The following PITPNC1 variants were observed in gnomAD, a reference collection of about 807,000 sequenced individuals.
The protein encoded by PITPNC1 is cytoplasmic phosphatidylinositol transfer protein 1.
Under a neutral mutation model 44.7 loss-of-function variants are expected in PITPNC1, and 18 were observed. The ratio of observed to expected loss-of-function variants is 0.40; its 90% CI spans 0.28 to 0.60. PITPNC1 has a LOEUF of 0.60. PITPNC1 is among the 20% of genes least tolerant of loss of function. The pLI is 0.39. For synonymous variants in PITPNC1, 141 were observed against 149.6 expected, an observed-to-expected ratio of 0.94 and a Z score of 0.42; for missense variants, 290 against 418.4, an observed-to-expected ratio of 0.69 and a Z score of 2.68.
At chr17:67,668,195 G>C (rs1159952242) in intron 6 of PITPNC1, among the ~76,000 whole-genome samples, 1 of 151,962 alleles carries the variant, frequency 6.6e-6, no homozygotes, top group East Asian at 1.9e-4. Context: ...CATACATAAA[G>C]TTTTGCTTGT....
At position 67,471,938 on chromosome 17, in the gene PITPNC1, GTC is replaced by G. The variant is rs552169800; in HGVS notation, c.49-60859_49-60858del. Among the ~76,000 whole-genome samples, 202 of 151,956 alleles carry G rather than the reference GTC, an allele frequency of 1.3e-3. 1 individual carries two copies. Among genetic ancestry groups the G allele is most frequent in the African/African-American group, 4.7e-3 (196 of 41,452 alleles). ...ACTTTCAATCTATGTCAATTTCTCT[GTC>G]TCTCCTTGTTTTTTTATGACTTTGA... On this transcript the variant is annotated intron_variant, in intron 1 of 8. Coordinates refer to ENST00000581322, the MANE Select transcript of PITPNC1 (RefSeq NM_012417.4).
intron 6 of PITPNC1, among the ~76,000 whole-genome samples, chr17:67,662,506 A>T (rs912756928): frequency 6.6e-6 from 1 of 152,154 alleles, no homozygotes; most frequent in Admixed American, 6.6e-5. Context: ...TCTAGTTGTG[A>T]GCCATCATTT....
rs1406427215 is a variant in PITPNC1 at position 67,631,628 on chromosome 17, CAAAAACCAAAAAAA to C, written c.367-509_367-496del. On this transcript the variant is annotated intron_variant, in intron 5 of 8. Coordinates refer to ENST00000581322, the MANE Select transcript of PITPNC1 (RefSeq NM_012417.4). The stretch of plus-strand genomic sequence containing the variant: ...TGGGCGAAAGAGTGAGACTCCGTCT[CAAAAACCAAAAAAA>C]AAAAAAAAAAAAAAAATATATATAT... 6.0e-4 allele frequency among the ~76,000 whole-genome samples: 8 copies of C among 13,344 alleles called. 1 individual carries two copies. The highest frequency in any genetic ancestry group is 8.7e-4 in the Non-Finnish European group (6 of 6,884). The allele number at this position is 13,344 out of a possible 152,430, so 8.8% of individuals were successfully genotyped here.
At chr17:67,686,356 A>T (rs2042815710) in intron 8 of PITPNC1, among the ~76,000 whole-genome samples, 1 of 151,272 alleles carries the variant, frequency 6.6e-6, no homozygotes, top group Non-Finnish European at 1.5e-5. Flanking sequence ...AGATTAAGAG[A>T]TCATTATCCT....
intron 6 of PITPNC1, among the ~76,000 whole-genome samples, chr17:67,633,711 A>G (rs1385208389): frequency 2.0e-5 from 3 of 152,378 alleles, no homozygotes; most frequent in South Asian, 2.1e-4. Flanking sequence ...CAGAAATCCT[A>G]TAGTTTCATG....
At chr17:67,689,623 A>G (rs756829026) in intron 8 of PITPNC1, among the ~76,000 whole-genome samples, 7 of 152,250 alleles carry the variant, frequency 4.6e-5, no homozygotes, top group Admixed American at 6.5e-5. Flanking sequence ...ATTAACATCC[A>G]TGAACACAGC....
chr17:67,450,145 T>G (rs557953842), intron 1 of PITPNC1, among the ~76,000 whole-genome samples: 1 of 152,246 alleles, frequency 6.6e-6, no homozygotes, highest in African/African-American at 2.4e-5. Context: ...TTTGCTCTTA[T>G]GATTTAGAAG....
chr17:67,415,994 AGGTTG>A (rs2038581453), intron 1 of PITPNC1, among the ~76,000 whole-genome samples: 1 of 151,954 alleles, frequency 6.6e-6, no homozygotes, highest in Non-Finnish European at 1.5e-5. Flanking sequence ...TTTGTTCGTT[AGGTTG>A]AAGAACAATT....
chr17:67,378,737 T>G (rs1031775649), intron 1 of PITPNC1, among the ~76,000 whole-genome samples: 4 of 152,128 alleles, frequency 2.6e-5, no homozygotes, highest in Non-Finnish European at 5.9e-5. Context: ...GCCGCGGGCT[T>G]GGGCGCAGCT....
chr17:67,397,314 G>A lies in PITPNC1; in HGVS notation c.48+19112G>A, dbSNP rs2038235033. Among the ~76,000 whole-genome samples the A allele has an allele frequency of 3.9e-5, 6 of 152,126 alleles. No individual in the cohort carries two copies. The South Asian group carries it at 1.2e-3, about 31-fold the overall frequency. On this transcript the variant is annotated intron_variant, in intron 1 of 8. Transcript: ENST00000581322. Reference sequence around the variant, plus strand: ...CTTATTTTTTTAAAGAGAGAGTTCAGTACTGGTTCTGAGATCAAAAGCAGC... The same window carrying A: ...CTTATTTTTTTAAAGAGAGAGTTCAATACTGGTTCTGAGATCAAAAGCAGC...
At chr17:67,590,813 C>T (rs373426126) in intron 5 of PITPNC1, among the ~76,000 whole-genome samples, 174 of 152,034 alleles carry the variant, frequency 1.1e-3, no homozygotes, top group African/African-American at 3.9e-3. Flanking sequence ...ATTAGCCGGG[C>T]GTGGTGGTGG....
At chr17:67,624,214 C>CTTTTTTTTTT (rs71139163) in intron 5 of PITPNC1, among the ~76,000 whole-genome samples, 19 of 127,102 alleles carry the variant, frequency 1.5e-4, no homozygotes, top group Non-Finnish European at 2.0e-4. Flanking sequence ...TCTTTCTTTT[C>CTTTTTTTTTT]TTTTTTTTTT....
intron 4 of PITPNC1, among the ~76,000 whole-genome samples, chr17:67,565,129 C>A (rs973920864): frequency 6.7e-6 from 1 of 149,476 alleles, no homozygotes; most frequent in Non-Finnish European, 1.5e-5. Flanking sequence ...CTAGTTTTTC[C>A]ATATTTTTCA....
intron 6 of PITPNC1, among the ~76,000 whole-genome samples, chr17:67,651,432 G>A (rs996875638): frequency 3.3e-5 from 5 of 152,026 alleles, no homozygotes; most frequent in Non-Finnish European, 7.4e-5. Flanking sequence ...AGAATTGCTG[G>A]AACTTGGGAC....
At chr17:67,675,621 T>C (rs1324066683) in intron 8 of PITPNC1, 79 bp downstream of exon 8, 5 of 936,458 alleles carry the variant, frequency 5.3e-6, no homozygotes, top group Non-Finnish European at 8.8e-6. Flanking sequence ...CTTCAACTGC[T>C]ACCTAGAAGG....
intron 1 of PITPNC1, among the ~76,000 whole-genome samples, chr17:67,516,901 C>T (rs190297890): frequency 1.3e-4 from 20 of 152,306 alleles, no homozygotes; most frequent in East Asian, 3.9e-4. Context: ...TAAGCCACCA[C>T]GCCCAGCCAT....
intron 1 of PITPNC1, among the ~76,000 whole-genome samples, chr17:67,400,606 GAA>G (rs2038292972): frequency 6.6e-6 from 1 of 151,996 alleles, no homozygotes; most frequent in Non-Finnish European, 1.5e-5. Flanking sequence ...GTAACACAAG[GAA>G]AGATTTCAGC....
At chr17:67,544,607 T>A (rs1427947653) in intron 2 of PITPNC1, among the ~76,000 whole-genome samples, 2 of 152,266 alleles carry the variant, frequency 1.3e-5, no homozygotes, top group Non-Finnish European at 2.9e-5. Context: ...GAGAACATTT[T>A]TCCCGCTACA....
At chr17:67,482,171 A>C (rs566582752) in intron 1 of PITPNC1, among the ~76,000 whole-genome samples, 1 of 152,216 alleles carries the variant, frequency 6.6e-6, no homozygotes, top group South Asian at 2.1e-4. Context: ...TGTGAAATGC[A>C]CATGATCTTT....
Sources: gnomAD v4.1 joint callset for allele counts (sites outside exome capture counted in the v4.1 genomes callset) on GRCh38, gnomAD v4.1.1 for gene constraint, MANE v1.5 for transcripts, NCBI Gene and HGNC (gene_info 2026-07-23, HGNC 2026-07-21) for gene names.